Variants in HAPLN1 observed in about 807,000 individuals in gnomAD.
The protein encoded by HAPLN1 is Cartilage link protein.
HAPLN1 carries 13 observed loss-of-function variants against 36.5 expected under a neutral mutation model. That is an observed-to-expected ratio of 0.36 (90% CI 0.23 to 0.57). The LOEUF (loss-of-function observed/expected upper bound fraction) is 0.57, where lower values mean the gene tolerates loss of function less well. HAPLN1 is among the 20% of genes least tolerant of loss of function. The probability of loss-of-function intolerance (pLI) is 0.83; values close to 1 mark genes in which losing one functional copy is unlikely to be tolerated. For synonymous variants in HAPLN1, 202 were observed against 169.8 expected (o/e 1.19, Z -1.48); for missense variants, 407 against 439.7 (o/e 0.93, Z 0.66).
chr5:83,677,930 C>T (rs1750896369), intron 1 of HAPLN1, among the ~76,000 whole-genome samples: 1 of 152,154 alleles, frequency 6.6e-6, no homozygotes, highest in South Asian at 2.1e-4. Flanking sequence ...GCAGCAGCAG[C>T]ACTTGGAAAC....
chr5:83,651,208 T>A (rs1750053023), intron 3 of HAPLN1, among the ~76,000 whole-genome samples: 1 of 152,164 alleles, frequency 6.6e-6, no homozygotes, highest in African/African-American at 2.4e-5. Flanking sequence ...TGTTTAAGGA[T>A]AAGTGATCTG....
At chr5:83,647,276 T>C (rs1749904621) in intron 3 of HAPLN1, among the ~76,000 whole-genome samples, 1 of 152,202 alleles carries the variant, frequency 6.6e-6, no homozygotes, top group African/African-American at 2.4e-5. Context: ...ATTTTAGTAT[T>C]TTTCAATTGT....
intron 1 of HAPLN1, among the ~76,000 whole-genome samples, chr5:83,675,804 T>C (rs1750846993): frequency 6.6e-6 from 1 of 152,190 alleles, no homozygotes. Context: ...CAATGGCTCA[T>C]GGATTCCTTA....
rs1187520896 is a variant in HAPLN1, at chr5:83,644,624, G to T, written c.514C>A (p.Leu172Ile). The change falls in exon 4 of 5, where the codon CTC becomes ATC. Residue 172 changes from leucine (L) to isoleucine (I), a missense_variant. Coordinates refer to ENST00000274341, the MANE Select transcript of HAPLN1 (RefSeq NM_001884.4). ...PYFPRLGRYN[L>I]NFHEAQQACL... ...GCCTGCTGCGCCTCGTGAAAATTGA[G>T]ATTGTAGCGCCCCAGTCGTGGAAAG... The T allele has an allele frequency of 1.3e-6, 2 of 1,505,442 alleles. No homozygotes were observed. Among genetic ancestry groups the T allele is most frequent in the Non-Finnish European group, 1.8e-6 (2 of 1,124,346 alleles). The allele number at this position is 1,505,442 out of a possible 1,614,324, so 93.3% of individuals were successfully genotyped here.
intron 2 of HAPLN1, among the ~76,000 whole-genome samples, chr5:83,656,327 C>CAA (rs35902132): frequency 0.034 from 1,982 of 59,126 alleles, 126 homozygotes; most frequent in African/African-American, 0.067. Flanking sequence ...GACTACGTCT[C>CAA]AAAAAAAAAA....
At chr5:83,686,684 T>G (rs770454696) in intron 1 of HAPLN1, among the ~76,000 whole-genome samples, 2 of 152,152 alleles carry the variant, frequency 1.3e-5, no homozygotes, top group Admixed American at 1.3e-4. Context: ...CTTCACTGTA[T>G]AGCCCCCAGC....
Position 83,645,471 on chromosome 5 carries a change from C to A in HAPLN1, c.473-806G>T, listed in dbSNP as rs200113272. Among the ~76,000 whole-genome samples the A allele has an allele frequency of 1.6e-3, 32 of 20,312 alleles. 1 individual carries two copies. In the Admixed American group the frequency reaches 0.019, roughly 12 times the overall value. 13.3% of individuals were successfully genotyped at this position (20,312 alleles called of 152,430 possible). On this transcript the variant is annotated intron_variant, in intron 3 of 4. Coordinates refer to ENST00000274341, the MANE Select transcript of HAPLN1 (RefSeq NM_001884.4). ...TTTTGTGATTTTCTTTTTTCTTTTT[C>A]TTTCTTTTTTTTTTTTTTTTAGCTC...
intron 1 of HAPLN1, among the ~76,000 whole-genome samples, chr5:83,716,471 C>T (rs1339739681): frequency 6.6e-6 from 1 of 152,178 alleles, no homozygotes; most frequent in Non-Finnish European, 1.5e-5. Context: ...AGCCGTAAAA[C>T]AATCAGTGGA....
intron 2 of HAPLN1, among the ~76,000 whole-genome samples, chr5:83,672,122 G>C (rs1750743398): frequency 6.6e-6 from 1 of 152,062 alleles, no homozygotes; most frequent in Non-Finnish European, 1.5e-5. Context: ...TACAACTTTG[G>C]TATCTGTCAT....
chr5:83,652,393 GA>G (rs375988944), intron 3 of HAPLN1, 59 bp downstream of exon 3: 185 of 1,481,768 alleles, frequency 1.2e-4, no homozygotes, highest in South Asian at 3.1e-4. Context: ...TACTCTTCAT[GA>G]AAAAAAAAGC....
chr5:83,693,704 T>C (rs1158100803), intron 1 of HAPLN1, among the ~76,000 whole-genome samples: 1 of 151,850 alleles, frequency 6.6e-6, no homozygotes, highest in Non-Finnish European at 1.5e-5. Context: ...CAAAATAGAT[T>C]TCAGGATAAA....
At chr5:83,705,387 C>CAAAAAAAAAAAAAAAAAAAAAAGAAAAA (rs1751617161) in intron 1 of HAPLN1, among the ~76,000 whole-genome samples, 1 of 85,424 alleles carries the variant, frequency 1.2e-5, no homozygotes, top group Non-Finnish European at 2.2e-5. Flanking sequence ...TGAAACGTCA[C>CAAAAAAAAAAAAAAAAAAAAAAGAAAAA]AAAAAAAAAA....
intron 1 of HAPLN1, among the ~76,000 whole-genome samples, chr5:83,690,227 A>G (rs1168383146): frequency 1.3e-5 from 2 of 152,098 alleles, no homozygotes; most frequent in African/African-American, 2.4e-5. Context: ...CCATCAAACA[A>G]CCAAAGCAAA....
chr5:83,702,923 G>C (rs1362186256), intron 1 of HAPLN1, among the ~76,000 whole-genome samples: 1 of 152,092 alleles, frequency 6.6e-6, no homozygotes, highest in Non-Finnish European at 1.5e-5. Flanking sequence ...TGTTGGCCAG[G>C]CTGGTCTTGA....
chr5:83,680,818 T>A (rs112317125), intron 1 of HAPLN1, among the ~76,000 whole-genome samples: 5 of 152,256 alleles, frequency 3.3e-5, no homozygotes, highest in African/African-American at 1.2e-4. Flanking sequence ...ACATCTATAT[T>A]CTATCATTAT....
In HAPLN1 at chr5:83,652,570, C is replaced by T. The variant is rs1381670202; in HGVS notation, c.355G>A (p.Asp119Asn). Residue 119 changes from aspartate (D) to asparagine (N), a missense_variant, in exon 3 of 5, where the codon GAT becomes AAT. Physicochemically the swap from Asp to Asn is conservative, Grantham distance 23 (BLOSUM62 1). Transcript: ENST00000274341. ...QGRVFLKGGS[D>N]SDASLVITDL... Reference sequence around the variant, plus strand: ...GTGATGACCAGAGAAGCATCACTATCACTGCCTCCCTTCAGAAACACTCTA... The same window carrying T: ...GTGATGACCAGAGAAGCATCACTATTACTGCCTCCCTTCAGAAACACTCTA... 1 of 1,614,180 alleles carries T rather than the reference C, an allele frequency of 6.2e-7. No individual in the cohort carries two copies. The highest frequency in any genetic ancestry group is 8.5e-7 in the Non-Finnish European group (1 of 1,180,022).
At chr5:83,708,691 A>G (rs992416580) in intron 1 of HAPLN1, among the ~76,000 whole-genome samples, 1 of 152,214 alleles carries the variant, frequency 6.6e-6, no homozygotes, top group Non-Finnish European at 1.5e-5. Flanking sequence ...AAACTTTTAC[A>G]TGTATCCACT....
chr5:83,658,248 G>A (rs1037932991), intron 2 of HAPLN1, among the ~76,000 whole-genome samples: 2 of 152,156 alleles, frequency 1.3e-5, no homozygotes, highest in Admixed American at 6.5e-5. Context: ...AAGCCTGCAG[G>A]AGAATGAGCA....
rs1749586739 is a variant in HAPLN1 at position 83,638,523 on chromosome 5, TC to T, written c.*2972del. Reference sequence around the variant, plus strand: ...CTGATAAGTGATTCCCTTTTAATCCTCCCCTCCTTAGTGGTCAGCTACTCCA... The same window carrying T: ...CTGATAAGTGATTCCCTTTTAATCCTCCCTCCTTAGTGGTCAGCTACTCCA... On this transcript the variant is annotated 3_prime_UTR_variant, in exon 5 of 5. Transcript: ENST00000274341. 1 of 152,022 alleles carries T rather than the reference TC, an allele frequency of 6.6e-6. No individual in the cohort carries two copies. The highest frequency in any genetic ancestry group is 6.6e-5 in the Admixed American group (1 of 15,256). 9.4% of individuals were successfully genotyped at this position (152,022 alleles called of 1,614,324 possible).
Sources: gnomAD v4.1 joint callset for allele counts (sites outside exome capture counted in the v4.1 genomes callset) on GRCh38, gnomAD v4.1.1 for gene constraint, MANE v1.5 for transcripts, NCBI Gene and HGNC (gene_info 2026-07-23, HGNC 2026-07-21) for gene names.